The following NRG3 variants were observed in gnomAD, a reference collection of about 807,000 sequenced individuals.
NRG3 encodes the protein neuregulin 3.
A neutral mutation model predicts 66.9 loss-of-function variants in NRG3; 31 were observed. That is an observed-to-expected ratio of 0.46 (90% CI 0.35 to 0.63). The LOEUF is 0.63. NRG3 is among the 20% of genes least tolerant of loss of function. The pLI, the probability that NRG3 is intolerant of heterozygous loss-of-function variation, is 0.00. For missense variants in NRG3, 910 were observed against 878.9 expected, an observed-to-expected ratio of 1.04 and a Z score of -0.45; for synonymous variants, 393 against 359.4, an observed-to-expected ratio of 1.09 and a Z score of -1.06.
chr10:82,484,040 T>A (rs1380823995), intron 2 of NRG3, among the ~76,000 whole-genome samples: 4 of 152,244 alleles, frequency 2.6e-5, no homozygotes, highest in Non-Finnish European at 4.4e-5. Context: ...TGTATTTGAA[T>A]CTGTAAACAG....
At chr10:82,426,729 G>A (rs1426629914) in intron 2 of NRG3, among the ~76,000 whole-genome samples, 2 of 151,496 alleles carry the variant, frequency 1.3e-5, no homozygotes, top group East Asian at 1.9e-4. Context: ...TGCCTCCTGG[G>A]CTTAAGTGAT....
intron 1 of NRG3, among the ~76,000 whole-genome samples, chr10:82,270,004 T>A (rs763905917): frequency 6.6e-6 from 1 of 152,172 alleles, no homozygotes; most frequent in Admixed American, 6.6e-5. Flanking sequence ...GATTAAAGTA[T>A]CTACCTCATA....
chr10:82,881,667 A>G (rs1488045868), intron 4 of NRG3, among the ~76,000 whole-genome samples: 1 of 152,152 alleles, frequency 6.6e-6, no homozygotes, highest in African/African-American at 2.4e-5. Context: ...CATCTCCTAT[A>G]TGCTGTGAGA....
intron 3 of NRG3, among the ~76,000 whole-genome samples, chr10:82,842,905 T>C (rs1410329407): frequency 6.6e-6 from 1 of 152,208 alleles, no homozygotes; most frequent in African/African-American, 2.4e-5. Context: ...TTTTCTTTTA[T>C]ACATGCACAC....
chr10:81,939,935 C>T (rs1353202970), intron 1 of NRG3, among the ~76,000 whole-genome samples: 2 of 151,648 alleles, frequency 1.3e-5, no homozygotes, highest in Non-Finnish European at 2.9e-5. Context: ...ATATTAATGC[C>T]TTTGCTATAT....
chr10:82,267,942 G>C (rs991553874), intron 1 of NRG3, among the ~76,000 whole-genome samples: 1 of 152,054 alleles, frequency 6.6e-6, no homozygotes, highest in Admixed American at 6.5e-5. Context: ...CAGATTGGCT[G>C]TATGCCCTGA....
rs796157474 is a variant in NRG3 at position 82,895,105 on chromosome 10, G to A, written c.1054+29668G>A. ...TTTTTATGGCTGCATAGTATTCCAC[G>A]GTGTATATGTGCCACATTTTCTTTA... On this transcript the variant is annotated intron_variant, in intron 4 of 8. Coordinates refer to ENST00000372141, the MANE Select transcript of NRG3 (RefSeq NM_001010848.4). Among the ~76,000 whole-genome samples, 23 of 152,190 alleles carry A rather than the reference G, an allele frequency of 1.5e-4. 1 individual carries two copies. The highest frequency in any genetic ancestry group is 4.8e-4 in the African/African-American group (20 of 41,544).
intron 2 of NRG3, among the ~76,000 whole-genome samples, chr10:82,634,392 C>G (rs2050045985): frequency 6.6e-6 from 1 of 152,084 alleles, no homozygotes; most frequent in South Asian, 2.1e-4. Flanking sequence ...ATTACACACA[C>G]AGAAAGAAAT....
At chr10:82,568,028 C>A (rs1420983413) in intron 2 of NRG3, among the ~76,000 whole-genome samples, 2 of 151,754 alleles carry the variant, frequency 1.3e-5, no homozygotes, top group Non-Finnish European at 2.9e-5. Flanking sequence ...TTTGTCATTT[C>A]TTAAATGAGA....
At chr10:82,554,717 A>G (rs1010544402) in intron 2 of NRG3, among the ~76,000 whole-genome samples, 4 of 152,194 alleles carry the variant, frequency 2.6e-5, no homozygotes, top group African/African-American at 9.6e-5. Context: ...TGTGCAAGGA[A>G]GTGTTTTAAT....
At chr10:82,802,882 C>G (rs548474302) in intron 3 of NRG3, among the ~76,000 whole-genome samples, 8 of 151,912 alleles carry the variant, frequency 5.3e-5, no homozygotes, top group African/African-American at 1.9e-4. Context: ...GCCATTTTGC[C>G]CAGGCTGGTC....
chr10:82,256,405 C>G (rs2077728735), intron 1 of NRG3, among the ~76,000 whole-genome samples: 1 of 152,148 alleles, frequency 6.6e-6, no homozygotes, highest in Non-Finnish European at 1.5e-5. Flanking sequence ...GAGTGCTCCA[C>G]AAAGTCAGGA....
chr10:82,148,295 C>G (rs2132730433), intron 1 of NRG3, among the ~76,000 whole-genome samples: 1 of 152,178 alleles, frequency 6.6e-6, no homozygotes, highest in South Asian at 2.1e-4. Flanking sequence ...CCCAGGAGTT[C>G]AAGACCAGCC....
At chr10:82,112,602 G>A (rs141888387) in intron 1 of NRG3, among the ~76,000 whole-genome samples, 9 of 152,142 alleles carry the variant, frequency 5.9e-5, no homozygotes, top group African/African-American at 9.6e-5. Context: ...TCTAAATGGC[G>A]CTTCTTCATT....
chr10:82,941,517 T>A (rs1848574502), intron 4 of NRG3, among the ~76,000 whole-genome samples: 1 of 152,240 alleles, frequency 6.6e-6, no homozygotes, highest in Admixed American at 6.5e-5. Context: ...CATTTGTTGA[T>A]TTTTAAAAAT....
chr10:82,906,136 A>T (rs181506259), intron 4 of NRG3, among the ~76,000 whole-genome samples: 1 of 152,332 alleles, frequency 6.6e-6, no homozygotes, highest in Non-Finnish European at 1.5e-5. Flanking sequence ...CTGAGCTCCC[A>T]TAGCAGTATG....
chr10:82,963,874 T>C (rs528943845), intron 6 of NRG3, among the ~76,000 whole-genome samples: 1 of 152,238 alleles, frequency 6.6e-6, no homozygotes, highest in Admixed American at 6.5e-5. Context: ...TCTCTGGGCC[T>C]GATAAATTTT....
chr10:82,799,951 G>A (rs1298999315), intron 3 of NRG3: 1 of 152,156 alleles, frequency 6.6e-6, no homozygotes, highest in East Asian at 1.9e-4. Context: ...GCTCCATGGA[G>A]GTCCACTGTC....
chr10:82,377,408 A>G (rs1483037375), intron 2 of NRG3, among the ~76,000 whole-genome samples: 1 of 150,434 alleles, frequency 6.6e-6, no homozygotes, highest in Non-Finnish European at 1.5e-5. Flanking sequence ...AGAGAAAGAG[A>G]GAGAGAGGTG....
Sources: gnomAD v4.1 joint callset for allele counts (sites outside exome capture counted in the v4.1 genomes callset) on GRCh38, gnomAD v4.1.1 for gene constraint, MANE v1.5 for transcripts, NCBI Gene and HGNC (gene_info 2026-07-23, HGNC 2026-07-21) for gene names.